PLXNA4: variants seen among roughly 807,000 people sequenced by gnomAD.
PLXNA4 encodes plexin A4.
Under a neutral mutation model 191.8 loss-of-function variants are expected in PLXNA4, and 44 were observed. That is an observed-to-expected ratio of 0.23 (90% CI 0.18 to 0.29). The LOEUF is 0.29. Among genes scored for constraint, PLXNA4 ranks in the 10% least tolerant of loss-of-function variants. The probability of loss-of-function intolerance (pLI) is 1.00; values close to 1 mark genes in which losing one functional copy is unlikely to be tolerated. For synonymous variants in PLXNA4, 1,082 were observed against 1,009.5 expected (o/e 1.07, Z -1.36); for missense variants, 1,800 against 2,488.8 (o/e 0.72, Z 5.89).
In PLXNA4 at chr7:132,247,749, A is replaced by G. The variant is rs1395723725; in HGVS notation, c.1504-6583T>C. Among the ~76,000 whole-genome samples, 3 of 152,210 alleles carry G rather than the reference A, an allele frequency of 2.0e-5. No individual in the cohort carries two copies. The East Asian group carries it at 5.8e-4, about 29-fold the overall frequency. On this transcript the variant is annotated intron_variant, in intron 4 of 31. Coordinates refer to ENST00000321063, the MANE Select transcript of PLXNA4 (RefSeq NM_020911.2). ...TGTGGAGTCTCCCTGTGATGGCTCC[A>G]AGGCCCTCACTGCCAGGGCTGCAAT...
chr7:132,199,614 G>A (rs991068893), intron 12 of PLXNA4, among the ~76,000 whole-genome samples: 3 of 152,176 alleles, frequency 2.0e-5, no homozygotes, highest in African/African-American at 4.8e-5. Flanking sequence ...GCCAATGTCA[G>A]CAGGATTAGA....
chr7:132,614,645 T>C (rs564268840), intron 2 of PLXNA4, among the ~76,000 whole-genome samples: 18 of 152,220 alleles, frequency 1.2e-4, no homozygotes, highest in Non-Finnish European at 2.1e-4. Context: ...CAACCACAGC[T>C]GTGTGCAGCG....
intron 2 of PLXNA4, among the ~76,000 whole-genome samples, chr7:132,492,183 C>A (rs866277982): frequency 1.3e-5 from 2 of 152,176 alleles, no homozygotes; most frequent in South Asian, 2.1e-4. Context: ...GAGGCAGGGA[C>A]AAAGGGAGTC....
At chr7:132,293,111 G>A (rs1024321351) in intron 4 of PLXNA4, among the ~76,000 whole-genome samples, 4 of 152,136 alleles carry the variant, frequency 2.6e-5, no homozygotes, top group African/African-American at 9.7e-5. Flanking sequence ...CCAGGAGCTT[G>A]GGCCTTATGC....
At chr7:132,456,380 T>C (rs1353769285) in intron 3 of PLXNA4, among the ~76,000 whole-genome samples, 1 of 152,144 alleles carries the variant, frequency 6.6e-6, no homozygotes, top group African/African-American at 2.4e-5. Context: ...CCCAAAGTGC[T>C]AGGATTACAG....
At chr7:132,618,398 A>G (rs1803195915) in intron 2 of PLXNA4, among the ~76,000 whole-genome samples, 1 of 150,976 alleles carries the variant, frequency 6.6e-6, no homozygotes, top group Admixed American at 6.8e-5. Flanking sequence ...GGCCATGTTC[A>G]TTCTGTCTGT....
intron 3 of PLXNA4, among the ~76,000 whole-genome samples, chr7:132,325,274 G>C (rs1462119203): frequency 6.6e-6 from 1 of 152,148 alleles, no homozygotes; most frequent in African/African-American, 2.4e-5. Context: ...TGGATACGGG[G>C]CCATCTACAT....
chr7:132,552,151 G>A (rs551702921), intron 1 of PLXNA4, among the ~76,000 whole-genome samples: 5 of 152,268 alleles, frequency 3.3e-5, no homozygotes, highest in African/African-American at 4.8e-5. Context: ...GAAAGCTCCC[G>A]GTGAGAGTTA....
chr7:132,242,704 A>G (rs1428454745), intron 4 of PLXNA4, among the ~76,000 whole-genome samples: 1 of 151,972 alleles, frequency 6.6e-6, no homozygotes, highest in African/African-American at 2.4e-5. Context: ...ACCTTCTCAG[A>G]TGTCTTTTTT....
chr7:132,445,021 G>A (rs1795846624), intron 3 of PLXNA4, among the ~76,000 whole-genome samples: 1 of 151,506 alleles, frequency 6.6e-6, no homozygotes, highest in East Asian at 1.9e-4. Flanking sequence ...GGGCACAGTG[G>A]CAGGCACCCT....
intron 3 of PLXNA4, among the ~76,000 whole-genome samples, chr7:132,354,494 CTT>C (rs1803620506): frequency 6.6e-6 from 1 of 152,174 alleles, no homozygotes; most frequent in African/African-American, 2.4e-5. Context: ...ATAAAAATAA[CTT>C]TTGATCATAA....
intron 1 of PLXNA4, among the ~76,000 whole-genome samples, chr7:132,512,180 C>A (rs949102981): frequency 1.3e-5 from 2 of 152,226 alleles, no homozygotes; most frequent in African/African-American, 4.8e-5. Context: ...GGTCGGGGCT[C>A]CGCCACCAAC....
rs550156173 is a variant in PLXNA4 at position 132,508,196 on chromosome 7, G to A, written c.498C>T (p.Ser166=). Residue 166 remains serine, a synonymous_variant, in exon 2 of 32, where the codon AGC becomes AGT. Coordinates refer to ENST00000321063, the MANE Select transcript of PLXNA4 (RefSeq NM_020911.2). This position sits in a 1 kb window ranked among gnomAD's most constrained non-coding sequence, Gnocchi z 4.4. ...KEHYLSGVNE[S]GSVFGVIVSY... ...AGACGATCACTCCAAAGACTGAGCC[G>A]CTCTCGTTGACACCTGACAGATAGT... The A allele has an allele frequency of 1.9e-5, 31 of 1,614,168 alleles. No individual in the cohort carries two copies. The highest frequency in any genetic ancestry group is 1.6e-4 in the Middle Eastern group (1 of 6,062).
intron 21 of PLXNA4, among the ~76,000 whole-genome samples, chr7:132,170,227 T>G (rs1278826771): frequency 6.6e-6 from 1 of 152,172 alleles, no homozygotes. Flanking sequence ...TCTGTGTGCT[T>G]TAGAAATACT....
At chr7:132,525,752 GAGA>G (rs1799375295) in intron 1 of PLXNA4, among the ~76,000 whole-genome samples, 1 of 152,164 alleles carries the variant, frequency 6.6e-6, no homozygotes. Flanking sequence ...ATATAGCACT[GAGA>G]AGAACACCAG....
At chr7:132,642,935 A>C (rs1331794593) in intron 2 of PLXNA4, among the ~76,000 whole-genome samples, 3 of 152,138 alleles carry the variant, frequency 2.0e-5, no homozygotes, top group African/African-American at 7.2e-5. Flanking sequence ...GTGTTAAAAA[A>C]TTAATTTACA....
chr7:132,260,046 A>T (rs1273451602), intron 4 of PLXNA4, among the ~76,000 whole-genome samples: 1 of 152,216 alleles, frequency 6.6e-6, no homozygotes, highest in Non-Finnish European at 1.5e-5. Context: ...AAGGACACTG[A>T]TGCACTATCG....
In PLXNA4 at chr7:132,124,078, G is replaced by A. The variant is rs1225946204; in HGVS notation, c.*6401C>T. The A allele has an allele frequency of 6.6e-6, 1 of 152,234 alleles. No homozygotes were observed. Among genetic ancestry groups the A allele is most frequent in the Non-Finnish European group, 1.5e-5 (1 of 68,066 alleles). The allele number at this position is 152,234 out of a possible 1,614,324, so 9.4% of individuals were successfully genotyped here. ...CTTCCTTCCCACCTCAGGGCCTGGA[G>A]GCCTTGTTCCTGCTCAAAGCAGCCA... On this transcript the variant is annotated 3_prime_UTR_variant, in exon 32 of 32. Coordinates refer to ENST00000321063, the MANE Select transcript of PLXNA4 (RefSeq NM_020911.2).
intron 3 of PLXNA4, among the ~76,000 whole-genome samples, chr7:132,311,395 C>T (rs768855939): frequency 2.0e-5 from 3 of 152,148 alleles, no homozygotes; most frequent in East Asian, 1.9e-4. Context: ...GGGTCATGAG[C>T]GCTCACTGTC....
Sources: gnomAD v4.1 joint callset for allele counts (sites outside exome capture counted in the v4.1 genomes callset) on GRCh38, gnomAD v4.1.1 for gene constraint, Gnocchi (gnomAD v3.1) non-coding constraint, MANE v1.5 for transcripts, NCBI Gene and HGNC (gene_info 2026-07-23, HGNC 2026-07-21) for gene names.